GRIK2: variants seen among roughly 807,000 people sequenced by gnomAD.
GRIK2 encodes glutamate receptor ionotropic, kainate 2.
Under a neutral mutation model 100.3 loss-of-function variants are expected in GRIK2, and 32 were observed. The observed-to-expected ratio is 0.32, with a 90% CI of 0.24 to 0.43. GRIK2 has a LOEUF of 0.43. Among genes scored for constraint, GRIK2 ranks in the 20% least tolerant of loss-of-function variants. The pLI is 1.00. For missense variants in GRIK2, 843 were observed against 1,114.9 expected, an observed-to-expected ratio of 0.76 and a Z score of 3.47; for synonymous variants, 417 against 389.4, an observed-to-expected ratio of 1.07 and a Z score of -0.83.
chr6:101,572,594 A>G (rs1256782500), intron 2 of GRIK2, among the ~76,000 whole-genome samples: 1 of 151,908 alleles, frequency 6.6e-6, no homozygotes, highest in Non-Finnish European at 1.5e-5. Context: ...ATAAAAATGT[A>G]TTGTAGATGT....
intron 16 of GRIK2, among the ~76,000 whole-genome samples, chr6:102,064,328 C>CCTTT (rs1204325381): frequency 6.7e-6 from 1 of 148,708 alleles, no homozygotes; most frequent in Non-Finnish European, 1.5e-5. Context: ...TCCTTCCTTT[C>CCTTT]CTTTCCTTTC....
intron 7 of GRIK2, among the ~76,000 whole-genome samples, chr6:101,713,837 A>G (rs917284358): frequency 8.6e-5 from 13 of 151,778 alleles, no homozygotes; most frequent in Admixed American, 4.6e-4. Context: ...ACAACCTAGC[A>G]TCCTTTGCCT....
chr6:101,597,677 G>A (rs924022046), intron 2 of GRIK2, among the ~76,000 whole-genome samples: 1 of 151,724 alleles, frequency 6.6e-6, no homozygotes, highest in Non-Finnish European at 1.5e-5. Flanking sequence ...TTAATGTGAA[G>A]CCTTCAGAGC....
chr6:101,735,242 A>G (rs938813573), intron 7 of GRIK2, among the ~76,000 whole-genome samples: 17 of 152,290 alleles, frequency 1.1e-4, no homozygotes, highest in Middle Eastern at 3.4e-3. Flanking sequence ...AAAGGATCTG[A>G]TGAAAAGGCA....
intron 14 of GRIK2, among the ~76,000 whole-genome samples, chr6:102,010,289 G>A (rs1255282379): frequency 6.6e-6 from 1 of 151,884 alleles, no homozygotes; most frequent in Non-Finnish European, 1.5e-5. Context: ...CCATTATAGT[G>A]TAATGCAAAA....
intron 2 of GRIK2, among the ~76,000 whole-genome samples, chr6:101,510,953 T>C (rs978269265): frequency 3.9e-5 from 6 of 152,078 alleles, no homozygotes; most frequent in African/African-American, 1.4e-4. Flanking sequence ...GGCCAAAAGA[T>C]GAGATGTTAT....
At chr6:101,768,082 C>T (rs1778147106) in intron 7 of GRIK2, among the ~76,000 whole-genome samples, 1 of 152,068 alleles carries the variant, frequency 6.6e-6, no homozygotes, top group Non-Finnish European at 1.5e-5. Context: ...TAGTCTCAAA[C>T]TCCTGGGCTC....
At position 101,679,802 on chromosome 6, in the gene GRIK2, C is replaced by T. The variant is rs146229508; in HGVS notation, c.724-2751C>T. 9.5e-3 allele frequency among the ~76,000 whole-genome samples: 1,444 copies of T among 152,238 alleles called. 11 individuals carry two copies. The highest frequency in any genetic ancestry group is 0.024 in the African/African-American group (1,011 of 41,546). On this transcript the variant is annotated intron_variant, in intron 5 of 16. Coordinates refer to ENST00000369134, the MANE Select transcript of GRIK2 (RefSeq NM_021956.5). Reference sequence around the variant, plus strand: ...TCGCCCAGGCTAAAGTGCAATGGTGCGATCTCGGCTCACTGCAACCTCTAC... The same window carrying T: ...TCGCCCAGGCTAAAGTGCAATGGTGTGATCTCGGCTCACTGCAACCTCTAC...
intron 14 of GRIK2, among the ~76,000 whole-genome samples, chr6:101,962,975 T>C (rs1000097775): frequency 1.3e-5 from 2 of 149,852 alleles, no homozygotes; most frequent in Non-Finnish European, 3.0e-5. Flanking sequence ...AAACAGGCAG[T>C]TGAATTTTTT....
At chr6:101,725,289 C>T (rs892230375) in intron 7 of GRIK2, among the ~76,000 whole-genome samples, 13 of 151,868 alleles carry the variant, frequency 8.6e-5, no homozygotes, top group South Asian at 4.2e-4. Context: ...TAATTGATTG[C>T]GATATATTTT....
intron 2 of GRIK2, among the ~76,000 whole-genome samples, chr6:101,577,785 A>T (rs374997564): frequency 6.6e-6 from 1 of 152,168 alleles, no homozygotes; most frequent in Non-Finnish European, 1.5e-5. Flanking sequence ...GGAAAATATA[A>T]GTTAACACAA....
Position 102,055,361 on chromosome 6 carries a change from A to G in GRIK2, c.2343A>G (p.Ala781=), listed in dbSNP as rs746925645. 15 of 1,611,380 alleles carry G rather than the reference A, an allele frequency of 9.3e-6. No homozygotes were observed. Among genetic ancestry groups the G allele is most frequent in the Non-Finnish European group, 1.3e-5 (15 of 1,177,732 alleles). ...GSPYRDKITI[A]ILQLQEEGKL... Reference sequence around the variant, plus strand: ...CATATCGAGACAAAATTACCATAGCAATTCTTCAGCTGCAAGAGGAAGGCA... The same window carrying G: ...CATATCGAGACAAAATTACCATAGCGATTCTTCAGCTGCAAGAGGAAGGCA... The change falls in exon 16 of 17, where the codon GCA becomes GCG. Residue 781 remains alanine, a synonymous_variant. Transcript: ENST00000369134.
intron 7 of GRIK2, among the ~76,000 whole-genome samples, chr6:101,710,743 C>T (rs965453830): frequency 6.6e-6 from 1 of 151,760 alleles, no homozygotes; most frequent in East Asian, 1.9e-4. Flanking sequence ...GGTCACAAGA[C>T]GTCCTCATGC....
intron 2 of GRIK2, among the ~76,000 whole-genome samples, chr6:101,481,133 T>C (rs545243642): frequency 6.6e-6 from 1 of 152,342 alleles, no homozygotes; most frequent in African/African-American, 2.4e-5. Flanking sequence ...TGATTTCCTT[T>C]AGTGTAACTG....
intron 16 of GRIK2, chr6:102,065,717 A>C: frequency 1.2e-6 from 1 of 823,788 alleles, no homozygotes; most frequent in Non-Finnish European, 1.9e-6. Flanking sequence ...CACGTCCTAT[A>C]ACAATTTTAA....
rs950998037 is a variant in GRIK2, at chr6:101,818,411, A to G, written c.1245A>G (p.Glu415=). 1.3e-5 allele frequency: 21 copies of G among 1,611,876 alleles called. No homozygotes were observed. The highest frequency in any genetic ancestry group is 1.8e-5 in the Non-Finnish European group (21 of 1,178,052). Reference sequence around the variant, plus strand: ...CAGCCAGTGGCCTGAATATGACAGAAAGTCAAAAGGGAAAGCCAGCGAACA... The same window carrying G: ...CAGCCAGTGGCCTGAATATGACAGAGAGTCAAAAGGGAAAGCCAGCGAACA... ...WDPASGLNMT[E]SQKGKPANIT... Residue 415 remains glutamate, a synonymous_variant, in exon 10 of 17, where the codon GAA becomes GAG. Transcript: ENST00000369134.
chr6:101,754,101 ACTT>A (rs148553840), intron 7 of GRIK2, among the ~76,000 whole-genome samples: 2,745 of 152,158 alleles, frequency 0.018, 90 homozygotes, highest in African/African-American at 0.063. Flanking sequence ...TTCTTAGATA[ACTT>A]CTTCTCCTAT....
At chr6:102,032,876 C>T (rs1311247005) in intron 14 of GRIK2, among the ~76,000 whole-genome samples, 1 of 151,202 alleles carries the variant, frequency 6.6e-6, no homozygotes, top group African/African-American at 2.4e-5. Flanking sequence ...TAGGTGCTTA[C>T]TCAAAGCTGA....
chr6:101,559,201 G>GT (rs200213400), intron 2 of GRIK2, among the ~76,000 whole-genome samples: 34 of 151,006 alleles, frequency 2.3e-4, no homozygotes, highest in Middle Eastern at 3.4e-3. Flanking sequence ...CTCTTCTCCA[G>GT]TTTTTTTTTA....
Sources: allele counts gnomAD v4.1 joint callset (sites outside exome capture counted in the v4.1 genomes callset), GRCh38; gene constraint gnomAD v4.1.1; transcripts MANE v1.5; gene names NCBI Gene and HGNC (gene_info 2026-07-23, HGNC 2026-07-21).